The following TRAF3IP1 variants were observed in gnomAD, a reference collection of about 807,000 sequenced individuals.
The protein encoded by TRAF3IP1 is TRAF3-interacting protein 1.
Under a neutral mutation model 89.9 loss-of-function variants are expected in TRAF3IP1, and 53 were observed. That is an observed-to-expected ratio of 0.59 (90% confidence interval 0.47 to 0.74). TRAF3IP1 has a LOEUF of 0.74. TRAF3IP1 is among the 30% of genes least tolerant of loss of function. TRAF3IP1 has a pLI of 0.00. For synonymous variants in TRAF3IP1, 311 were observed against 322.1 expected (o/e 0.97, Z 0.37); for missense variants, 806 against 866.1 (o/e 0.93, Z 0.87).
At chr2:238,382,016 C>T (rs538469078) in intron 15 of TRAF3IP1, among the ~76,000 whole-genome samples, 28 of 152,042 alleles carry the variant, frequency 1.8e-4, no homozygotes, top group African/African-American at 6.8e-4. Flanking sequence ...TACCTGAAGC[C>T]GTAAAGAAGC....
At position 238,393,292 on chromosome 2, in the gene TRAF3IP1, A is replaced by G. The variant is rs140117586; in HGVS notation, c.1690-4167A>G. On this transcript the variant is annotated intron_variant, in intron 15 of 16. Transcript: ENST00000373327. The stretch of plus-strand genomic sequence containing the variant: ...ATTCGCATTTCCCTAATGCCTAATG[A>G]TTTCAAACATATTTTCATGTGTGTG... 3.8e-3 allele frequency among the ~76,000 whole-genome samples: 583 copies of G among 152,266 alleles called. 4 individuals carry two copies. Among genetic ancestry groups the G allele is most frequent in the African/African-American group, 0.013 (559 of 41,546 alleles).
intron 15 of TRAF3IP1, among the ~76,000 whole-genome samples, chr2:238,366,299 G>A (rs1422549528): frequency 6.6e-6 from 1 of 152,132 alleles, no homozygotes. Flanking sequence ...TGCCATGGGT[G>A]TATTATAGAC....
At chr2:238,342,343 A>G (rs1698700786) in intron 8 of TRAF3IP1, among the ~76,000 whole-genome samples, 1 of 151,882 alleles carries the variant, frequency 6.6e-6, no homozygotes, top group Non-Finnish European at 1.5e-5. Context: ...TTATTTGACA[A>G]ATTGGTTAGT....
At chr2:238,328,903 A>C in intron 4 of TRAF3IP1, 23 bp from the exon 5 acceptor site, 1 of 1,580,030 alleles carries the variant, frequency 6.3e-7, no homozygotes, top group Non-Finnish European at 8.6e-7. Flanking sequence ...ATATTCATAA[A>C]TGATTTTATT....
chr2:238,392,877 G>C (rs1043830623), intron 15 of TRAF3IP1, among the ~76,000 whole-genome samples: 1 of 152,230 alleles, frequency 6.6e-6, no homozygotes, highest in African/African-American at 2.4e-5. Context: ...TGCCTGGCCA[G>C]TCTGTTCCTT....
At chr2:238,346,867 C>T (rs546064763) in intron 9 of TRAF3IP1, among the ~76,000 whole-genome samples, 32 of 152,380 alleles carry the variant, frequency 2.1e-4, no homozygotes, top group African/African-American at 7.7e-4. Flanking sequence ...TGTGGTGCCA[C>T]TGCTCATTTA....
At chr2:238,382,564 A>G (rs1559391013) in intron 15 of TRAF3IP1, among the ~76,000 whole-genome samples, 1 of 151,776 alleles carries the variant, frequency 6.6e-6, no homozygotes, top group Non-Finnish European at 1.5e-5. Flanking sequence ...GGGGAGGATG[A>G]GGGACATGTG....
At chr2:238,338,921 G>A (rs1436878126) in intron 8 of TRAF3IP1, among the ~76,000 whole-genome samples, 1 of 152,202 alleles carries the variant, frequency 6.6e-6, no homozygotes, top group East Asian at 1.9e-4. Context: ...GGTGTGCCCA[G>A]CCCTCGTCCT....
At position 238,351,270 on chromosome 2, in the gene TRAF3IP1, C is replaced by T. The variant is rs530915890; in HGVS notation, c.1452-1557C>T. Among the ~76,000 whole-genome samples, 15 of 152,132 alleles carry T rather than the reference C, an allele frequency of 9.9e-5. No homozygotes were observed. Among genetic ancestry groups the T allele is most frequent in the Middle Eastern group, 3.4e-3 (1 of 294 alleles). Reference sequence around the variant, plus strand: ...TGAAATCACAAGTAAGACAGGAGCACCGTTGGTGAGAGTGGCGGGTCCAGG... The same window carrying T: ...TGAAATCACAAGTAAGACAGGAGCATCGTTGGTGAGAGTGGCGGGTCCAGG... On this transcript the variant is annotated intron_variant, in intron 12 of 16. Transcript: ENST00000373327. This position sits in a 1 kb window ranked among gnomAD's most constrained non-coding sequence, Gnocchi z 5.2.
intron 15 of TRAF3IP1, among the ~76,000 whole-genome samples, chr2:238,383,577 C>T (rs1700636997): frequency 6.6e-6 from 1 of 152,166 alleles, no homozygotes; most frequent in African/African-American, 2.4e-5. Flanking sequence ...GATGAAAAAT[C>T]TTGCCCACGT....
At chr2:238,321,475 GA>G (rs749525183) in intron 1 of TRAF3IP1, among the ~76,000 whole-genome samples, 23 of 152,338 alleles carry the variant, frequency 1.5e-4, no homozygotes, top group Non-Finnish European at 2.9e-4. Flanking sequence ...GACTTGGCAG[GA>G]AAGACTGTAA....
chr2:238,329,409 T>G, intron 5 of TRAF3IP1, 67 bp downstream of exon 5: 1 of 1,286,938 alleles, frequency 7.8e-7, no homozygotes, highest in Non-Finnish European at 1.0e-6. Flanking sequence ...AACATGATTT[T>G]TACCTTTCTT....
chr2:238,349,772 C>T (rs527913048), intron 12 of TRAF3IP1, among the ~76,000 whole-genome samples: 1 of 152,230 alleles, frequency 6.6e-6, no homozygotes, highest in African/African-American at 2.4e-5. Flanking sequence ...AGAAGGTGAT[C>T]AAAATGTTAT....
chr2:238,377,158 G>C (rs752133828), intron 15 of TRAF3IP1, among the ~76,000 whole-genome samples: 5 of 151,788 alleles, frequency 3.3e-5, no homozygotes, highest in African/African-American at 1.2e-4. Flanking sequence ...CATTTCTGTG[G>C]CTAGGCCCTC....
intron 15 of TRAF3IP1, among the ~76,000 whole-genome samples, chr2:238,388,912 C>T (rs570170389): frequency 5.9e-5 from 9 of 152,284 alleles, no homozygotes; most frequent in East Asian, 3.9e-4. Context: ...GGCATTACAG[C>T]GTGAGCCACT....
rs1385154566 is a variant in TRAF3IP1, at chr2:238,334,014, C to T, written c.1042C>T (p.Arg348Ter). Residue 348 changes from arginine to a stop codon, truncating the protein, a stop_gained, in exon 7 of 17, where the codon CGA (arginine) becomes TGA (stop). Transcript: ENST00000373327. LOFTEE classifies it high-confidence loss of function. ...KSLTTKTSKR[R>*]SKNSVEGRKE... ...ATTGACAACAAAAACATCAAAACGGCGATCCAAAAATTCAGTGGAAGGTAC... is the reference window on the plus strand; with the variant it reads ...ATTGACAACAAAAACATCAAAACGGTGATCCAAAAATTCAGTGGAAGGTAC... The T allele has an allele frequency of 2.5e-6, 4 of 1,610,480 alleles. No homozygotes were observed. Among genetic ancestry groups the T allele is most frequent in the South Asian group, 1.1e-5 (1 of 90,550 alleles).
At chr2:238,346,262 G>A (rs1303062366) in intron 9 of TRAF3IP1, among the ~76,000 whole-genome samples, 4 of 152,078 alleles carry the variant, frequency 2.6e-5, no homozygotes, top group Non-Finnish European at 5.9e-5. Context: ...GCCCCCATTG[G>A]CCCAAAGTGC....
At chr2:238,338,293 C>A in intron 7 of TRAF3IP1, 69 bp from the exon 8 acceptor site, 2 of 962,128 alleles carry the variant, frequency 2.1e-6, no homozygotes, top group South Asian at 1.7e-5. Context: ...CCTTATAAAT[C>A]CCAGCTAAAA....
At chr2:238,356,871 C>T (rs1406180452) in intron 15 of TRAF3IP1, among the ~76,000 whole-genome samples, 1 of 151,846 alleles carries the variant, frequency 6.6e-6, no homozygotes, top group Non-Finnish European at 1.5e-5. Flanking sequence ...CTCCGCCTCC[C>T]GGGTTCACGC....
Sources: gnomAD v4.1 joint callset for allele counts (sites outside exome capture counted in the v4.1 genomes callset) on GRCh38, gnomAD v4.1.1 for gene constraint, Gnocchi (gnomAD v3.1) non-coding constraint, MANE v1.5 for transcripts, NCBI Gene and HGNC (gene_info 2026-07-23, HGNC 2026-07-21) for gene names.